Variants in FAM216A observed in about 807,000 individuals in gnomAD.
FAM216A encodes family with sequence similarity 216 member A, also known as protein FAM216A.
FAM216A carries 26 observed loss-of-function variants against 37.6 expected under a neutral mutation model. That is an observed-to-expected ratio of 0.69 (90% CI 0.51 to 0.96). FAM216A has a LOEUF of 0.96. Among genes scored for constraint, FAM216A ranks in the 40% least tolerant of loss-of-function variants. The pLI is 0.00. For synonymous variants in FAM216A, 110 were observed against 121.7 expected (o/e 0.90, Z 0.64); for missense variants, 326 against 339.3 (o/e 0.96, Z 0.31).
intron 5 of FAM216A, chr12:110,487,138 C>CTT (rs951988566): frequency 3.4e-5 from 5 of 147,008 alleles, no homozygotes; most frequent in East Asian, 2.0e-4. Context: ...AGCAGAGATA[C>CTT]TTTTTTTTTT....
At chr12:110,472,724 C>G (rs1181024316) in intron 1 of FAM216A, among the ~76,000 whole-genome samples, 1 of 151,948 alleles carries the variant, frequency 6.6e-6, no homozygotes, top group Non-Finnish European at 1.5e-5. Flanking sequence ...GTGGCTCACA[C>G]CTTTAATCCC....
At chr12:110,486,835 ATTC>A in intron 5 of FAM216A, 118 bp downstream of exon 5, 2 of 901,374 alleles carry the variant, frequency 2.2e-6, no homozygotes, top group Non-Finnish European at 3.3e-6. Flanking sequence ...AGTTTACTGT[ATTC>A]TCAAACTCCT....
intron 1 of FAM216A, 40 bp downstream of exon 1, chr12:110,469,058 GC>G: frequency 4.3e-6 from 6 of 1,390,906 alleles, no homozygotes; most frequent in Non-Finnish European, 5.6e-6. Context: ...GCAGCATGGG[GC>G]CCCCGGGTCG....
chr12:110,473,821 A>T (rs1281331524), intron 2 of FAM216A, among the ~76,000 whole-genome samples: 2 of 152,252 alleles, frequency 1.3e-5, no homozygotes, highest in African/African-American at 4.8e-5. Flanking sequence ...TAGAGCTTTC[A>T]AAGTATTCAC....
intron 2 of FAM216A, among the ~76,000 whole-genome samples, chr12:110,484,228 C>T (rs559719108): frequency 2.0e-5 from 3 of 151,998 alleles, no homozygotes; most frequent in Admixed American, 1.3e-4. Context: ...GAGATCGAGA[C>T]CATCCTGGCT....
intron 2 of FAM216A, among the ~76,000 whole-genome samples, chr12:110,477,881 G>C (rs1418922817): frequency 6.7e-6 from 1 of 150,282 alleles, no homozygotes; most frequent in Non-Finnish European, 1.5e-5. Flanking sequence ...CTAATTTTTT[G>C]TATTTTTAGT....
intron 2 of FAM216A, among the ~76,000 whole-genome samples, chr12:110,475,163 T>C (rs986154062): frequency 1.3e-5 from 2 of 152,210 alleles, no homozygotes; most frequent in Admixed American, 1.3e-4. Context: ...ATTGTCTTCC[T>C]CTATAGTTGA....
At chr12:110,479,462 A>G (rs774743883) in intron 2 of FAM216A, among the ~76,000 whole-genome samples, 2 of 151,950 alleles carry the variant, frequency 1.3e-5, no homozygotes, top group Non-Finnish European at 2.9e-5. Flanking sequence ...CTTATTAACT[A>G]CAATATATTA....
chr12:110,487,535 A>T (rs1219739999), intron 5 of FAM216A: 1 of 238,318 alleles, frequency 4.2e-6, no homozygotes, highest in Non-Finnish European at 8.0e-6. Context: ...TATCAGATAG[A>T]GTTATGGATG....
chr12:110,478,737 T>G (rs1248553963), intron 2 of FAM216A, among the ~76,000 whole-genome samples: 1 of 152,108 alleles, frequency 6.6e-6, no homozygotes, highest in Non-Finnish European at 1.5e-5. Context: ...ATTTTGGCCT[T>G]GTGAGATTCT....
At chr12:110,489,245 C>T (rs2062795767) in intron 6 of FAM216A, among the ~76,000 whole-genome samples, 1 of 152,090 alleles carries the variant, frequency 6.6e-6, no homozygotes, top group African/African-American at 2.4e-5. Context: ...TGGCTCATGC[C>T]TGTAATCTCA....
rs2062766016 is a variant in FAM216A at position 110,484,526 on chromosome 12, T to C, written c.185-552T>C. Among the ~76,000 whole-genome samples, 3 of 151,466 alleles carry C rather than the reference T, an allele frequency of 2.0e-5. No individual in the cohort carries two copies. The South Asian group carries it at 6.2e-4, about 31-fold the overall frequency. ...TAAAGCACAAATCCTGCGTGTATATTTTCTCTTTGGTATGTTTCTGACATG... is the reference window on the plus strand; with the variant it reads ...TAAAGCACAAATCCTGCGTGTATATCTTCTCTTTGGTATGTTTCTGACATG... On this transcript the variant is annotated intron_variant, in intron 2 of 6. Coordinates refer to ENST00000377673, the MANE Select transcript of FAM216A (RefSeq NM_013300.3).
intron 2 of FAM216A, among the ~76,000 whole-genome samples, chr12:110,475,781 C>A (rs529906678): frequency 6.6e-6 from 1 of 152,058 alleles, no homozygotes; most frequent in East Asian, 1.9e-4. Context: ...CTCTATCCCC[C>A]AGGCAGGAGT....
At chr12:110,468,776 C>A, upstream of FAM216A, 1 of 1,467,430 alleles carries the variant, frequency 6.8e-7, no homozygotes, top group South Asian at 1.4e-5. Flanking sequence ...CGAAGCTGTT[C>A]GGGCAGTGTC....
chr12:110,477,897 C>T (rs925827669), intron 2 of FAM216A, among the ~76,000 whole-genome samples: 4 of 151,728 alleles, frequency 2.6e-5, no homozygotes, highest in Admixed American at 6.6e-5. Flanking sequence ...TTAGTAGAGA[C>T]GGGGTTTCAC....
chr12:110,479,972 G>T (rs2062736742), intron 2 of FAM216A, among the ~76,000 whole-genome samples: 1 of 151,754 alleles, frequency 6.6e-6, no homozygotes, highest in South Asian at 2.1e-4. Context: ...TTCTTGGGTT[G>T]GTTAACTATT....
At chr12:110,484,706 A>C (rs970218517) in intron 2 of FAM216A, among the ~76,000 whole-genome samples, 6 of 152,006 alleles carry the variant, frequency 3.9e-5, no homozygotes, top group African/African-American at 1.4e-4. Context: ...CTGAGTGAAA[A>C]TATTCAGTAC....
chr12:110,482,906 A>G (rs1486473232), intron 2 of FAM216A, among the ~76,000 whole-genome samples: 1 of 152,212 alleles, frequency 6.6e-6, no homozygotes, highest in Non-Finnish European at 1.5e-5. Context: ...ACAAAAAATG[A>G]GTACTGTGTA....
At chr12:110,481,240 ATC>A (rs1188891291) in intron 2 of FAM216A, among the ~76,000 whole-genome samples, 1 of 152,190 alleles carries the variant, frequency 6.6e-6, no homozygotes, top group Non-Finnish European at 1.5e-5. Flanking sequence ...TGGATAAATA[ATC>A]TGTTTGAGTC....
Sources: allele counts gnomAD v4.1 joint callset (sites outside exome capture counted in the v4.1 genomes callset), GRCh38; gene constraint gnomAD v4.1.1; transcripts MANE v1.5; gene names NCBI Gene and HGNC (gene_info 2026-07-23, HGNC 2026-07-21).